Variants in SLC2A9 observed in about 807,000 individuals in gnomAD.
SLC2A9 encodes the protein solute carrier family 2 member 9, also known as solute carrier family 2, facilitated glucose transporter member 9.
Under a neutral mutation model 50.6 loss-of-function variants are expected in SLC2A9, and 39 were observed. The ratio of observed to expected loss-of-function variants is 0.77; its 90% CI spans 0.60 to 1.01. The LOEUF is 1.01. SLC2A9 is among the 50% of genes least tolerant of loss of function. The pLI, the probability that SLC2A9 is intolerant of heterozygous loss-of-function variation, is 0.00. For synonymous variants in SLC2A9, 324 were observed against 276.9 expected (o/e 1.17, Z -1.69); for missense variants, 686 against 677.6 (o/e 1.01, Z -0.14).
chr4:9,915,718 T>C (rs1215472800), intron 7 of SLC2A9, among the ~76,000 whole-genome samples: 2 of 152,158 alleles, frequency 1.3e-5, no homozygotes, highest in Non-Finnish European at 2.9e-5. Flanking sequence ...AGGGTGGCCA[T>C]ATGGAGGGTC....
chr4:9,878,979 C>T (rs2109604127), intron 10 of SLC2A9: 1 of 949,770 alleles, frequency 1.1e-6, no homozygotes, highest in Non-Finnish European at 1.3e-6. Context: ...AAACACCACA[C>T]ACCACACAGT....
chr4:9,967,859 C>T (rs982941443), intron 5 of SLC2A9, among the ~76,000 whole-genome samples: 1 of 151,798 alleles, frequency 6.6e-6, no homozygotes, highest in African/African-American at 2.4e-5. Flanking sequence ...ATGAAAGTTA[C>T]GAAAGTCTGT....
intron 11 of SLC2A9, among the ~76,000 whole-genome samples, chr4:9,830,675 T>C (rs1725981311): frequency 6.6e-6 from 1 of 152,232 alleles, no homozygotes; most frequent in African/African-American, 2.4e-5. Flanking sequence ...CTGCATTTTA[T>C]AACTTGAGTA....
chr4:9,864,885 T>G (rs780923367), intron 10 of SLC2A9, among the ~76,000 whole-genome samples: 34 of 152,242 alleles, frequency 2.2e-4, no homozygotes, highest in Non-Finnish European at 4.4e-4. Flanking sequence ...AGATTATCCT[T>G]GATTATTCTG....
At chr4:10,021,682 T>C (rs1763519337), upstream of SLC2A9, among the ~76,000 whole-genome samples, 1 of 152,114 alleles carries the variant, frequency 6.6e-6, no homozygotes, top group Non-Finnish European at 1.5e-5. Flanking sequence ...TGGAATTTTT[T>C]TTTTTTTTCT....
At chr4:9,978,371 T>G (rs551095558) in intron 5 of SLC2A9, among the ~76,000 whole-genome samples, 9 of 152,320 alleles carry the variant, frequency 5.9e-5, no homozygotes, top group Non-Finnish European at 1.0e-4. Context: ...GAACTTGATA[T>G]TGATTTATAA....
chr4:9,904,481 G>C (rs929525063), intron 8 of SLC2A9, among the ~76,000 whole-genome samples: 3 of 152,096 alleles, frequency 2.0e-5, no homozygotes, highest in African/African-American at 4.8e-5. Context: ...GATAATATTG[G>C]GCTCACCTGG....
chr4:9,985,687 T>C lies in SLC2A9; in HGVS notation c.517A>G (p.Ile173Val). 1.2e-6 allele frequency: 2 copies of C among 1,614,020 alleles called. No homozygotes were observed. Among genetic ancestry groups the C allele is most frequent in the Non-Finnish European group, 1.7e-6 (2 of 1,179,870 alleles). ...AFEMLIVGRFIMGIDGGVALS... is the reference protein window; with the variant it reads ...AFEMLIVGRFVMGIDGGVALS... ...CTCTCACCTCCATCTATGCCCATGATGAAGCGTCCCACGATGAGCATTTCA... is the reference window on the plus strand; with the variant it reads ...CTCTCACCTCCATCTATGCCCATGACGAAGCGTCCCACGATGAGCATTTCA... The change falls in exon 4 of 12, where the codon ATC becomes GTC. Residue 173 changes from isoleucine (I) to valine (V), a missense_variant. By Grantham distance (29) the Ile-to-Val change is conservative (BLOSUM62 3). Coordinates refer to ENST00000264784, the MANE Select transcript of SLC2A9 (RefSeq NM_020041.3).
At chr4:9,895,147 G>A (rs912705278) in intron 8 of SLC2A9, among the ~76,000 whole-genome samples, 10 of 152,192 alleles carry the variant, frequency 6.6e-5, no homozygotes, top group Non-Finnish European at 1.5e-4. Context: ...CTTTGGAAAG[G>A]GTGGGGTGAG....
chr4:9,886,423 AC>A (rs1397488330), intron 10 of SLC2A9, among the ~76,000 whole-genome samples: 56 of 104,558 alleles, frequency 5.4e-4, no homozygotes, highest in African/African-American at 2.1e-3. Context: ...CCCTCATAGC[AC>A]TGTGTGTGTG....
intron 1 of SLC2A9, among the ~76,000 whole-genome samples, chr4:9,773,991 T>TC (rs1296546931): frequency 1.3e-5 from 1 of 75,648 alleles, no homozygotes; most frequent in Non-Finnish European, 3.3e-5. Context: ...AGAAACTCAG[T>TC]CTTTTTTTTT....
At chr4:9,953,417 C>T (rs1030062474) in intron 5 of SLC2A9, among the ~76,000 whole-genome samples, 3 of 152,236 alleles carry the variant, frequency 2.0e-5, no homozygotes, top group Non-Finnish European at 4.4e-5. Flanking sequence ...GCACTGGTGC[C>T]TTGCCCATCT....
At chr4:9,798,494 C>T (rs1404312798), downstream of SLC2A9, among the ~76,000 whole-genome samples, 1 of 152,136 alleles carries the variant, frequency 6.6e-6, no homozygotes, top group African/African-American at 2.4e-5. Flanking sequence ...TTTCTCCACA[C>T]CCCCAACTTC....
chr4:9,828,593 A>G (rs1725519395), intron 11 of SLC2A9, among the ~76,000 whole-genome samples: 1 of 152,192 alleles, frequency 6.6e-6, no homozygotes, highest in South Asian at 2.1e-4. Context: ...TCCCTCCAGT[A>G]TTAGGCCTCA....
chr4:9,845,932 A>C (rs141499318), intron 10 of SLC2A9, among the ~76,000 whole-genome samples: 149 of 152,356 alleles, frequency 9.8e-4, no homozygotes, highest in African/African-American at 3.4e-3. Flanking sequence ...AATAGACTTA[A>C]TCTTGTTCAT....
chr4:9,790,069 G>T lies in SLC2A9; in HGVS notation n.386-10004C>A, dbSNP rs150865779. Among the ~76,000 whole-genome samples, 500 of 152,332 alleles carry T rather than the reference G, an allele frequency of 3.3e-3. 4 individuals are homozygous for T. Among genetic ancestry groups the T allele is most frequent in the African/African-American group, 0.011 (473 of 41,582 alleles). On this transcript the variant is annotated intron_variant and non_coding_transcript_variant, in intron 3 of 3. Transcript: ENST00000503803. ...AAAAAGGAGGAAAAGGAGGCTGAGA[G>T]AGGTTCAATAGCAAGCCAGGTTATG...
chr4:9,789,248 T>C (rs762791467), intron 3 of SLC2A9, among the ~76,000 whole-genome samples: 13 of 152,188 alleles, frequency 8.5e-5, no homozygotes, highest in Non-Finnish European at 1.8e-4. Flanking sequence ...TAAAAAATAT[T>C]AAAAAGGGAA....
chr4:9,831,499 C>T (rs1211261468), intron 11 of SLC2A9, among the ~76,000 whole-genome samples: 4 of 152,138 alleles, frequency 2.6e-5, no homozygotes, highest in Non-Finnish European at 5.9e-5. Context: ...GTTATCACAG[C>T]CATGTAGCCA....
intron 2 of SLC2A9, among the ~76,000 whole-genome samples, chr4:10,007,918 GA>G: frequency 6.6e-6 from 1 of 152,340 alleles, no homozygotes; most frequent in East Asian, 1.9e-4. Flanking sequence ...TGAGGTGTGT[GA>G]AGTCCCGAGC....
Sources: allele counts gnomAD v4.1 joint callset (sites outside exome capture counted in the v4.1 genomes callset), GRCh38; gene constraint gnomAD v4.1.1; transcripts MANE v1.5; gene names NCBI Gene and HGNC (gene_info 2026-07-23, HGNC 2026-07-21).